PIBF1: variants seen among roughly 807,000 people sequenced by gnomAD.
The protein encoded by PIBF1 is progesterone-induced-blocking factor 1.
In PIBF1, 90 loss-of-function variants were observed where a neutral mutation model predicts 112.5. That is an observed-to-expected ratio of 0.80 (90% confidence interval 0.67 to 0.95). The LOEUF (loss-of-function observed/expected upper bound fraction) is 0.95, where lower values mean the gene tolerates loss of function less well. Among genes scored for constraint, PIBF1 ranks in the 40% least tolerant of loss-of-function variants. The pLI is 0.00. For synonymous variants in PIBF1, 301 were observed against 288.6 expected (o/e 1.04, Z -0.44); for missense variants, 915 against 852.3 (o/e 1.07, Z -0.92).
intron 10 of PIBF1, chr13:72,881,109 T>G (rs929094817): frequency 7.0e-5 from 9 of 128,276 alleles, no homozygotes; most frequent in Admixed American, 6.5e-4. Context: ...TTTTTTTTTT[T>G]GAAAACAAAA....
At chr13:72,838,734 GC>G (rs2037467342) in intron 9 of PIBF1, among the ~76,000 whole-genome samples, 1 of 152,142 alleles carries the variant, frequency 6.6e-6, no homozygotes, top group Admixed American at 6.5e-5. Context: ...TATCTTGTCT[GC>G]CTATTAAGTT....
chr13:72,827,440 G>C (rs927753675), intron 7 of PIBF1, among the ~76,000 whole-genome samples: 1 of 151,614 alleles, frequency 6.6e-6, no homozygotes, highest in Non-Finnish European at 1.5e-5. Context: ...GTAGAAACAG[G>C]GTTTCACCAT....
chr13:72,991,930 G>A (rs1323655644), intron 16 of PIBF1, among the ~76,000 whole-genome samples: 1 of 152,108 alleles, frequency 6.6e-6, no homozygotes, highest in Non-Finnish European at 1.5e-5. Flanking sequence ...ATGTTAGCCA[G>A]GATGGTCTTG....
rs1161228077 is a variant in PIBF1, at chr13:73,002,983, C to CAAAAAAA, written c.2223+4006_2223+4012dup. On this transcript the variant is annotated intron_variant, in intron 17 of 17. Transcript: ENST00000326291. ...GGACGACACAGCAAGACTCTGGTCTCAAAAAAAAAAAAAAAAAAAAAAAAG... is the reference window on the plus strand; with the variant it reads ...GGACGACACAGCAAGACTCTGGTCTCAAAAAAAAAAAAAAAAAAAAAAAAAAAAAAAG... 5.3e-3 allele frequency among the ~76,000 whole-genome samples: 306 copies of CAAAAAAA among 57,488 alleles called. 44 individuals are homozygous for CAAAAAAA. Among genetic ancestry groups the CAAAAAAA allele is most frequent in the Non-Finnish European group, 7.1e-3 (249 of 34,980 alleles). The allele number at this position is 57,488 out of a possible 152,430, so 37.7% of individuals were successfully genotyped here. A position where few individuals can be genotyped will look rare whatever the true frequency, so the allele number is the denominator to read the frequency against.
intron 14 of PIBF1, among the ~76,000 whole-genome samples, chr13:72,959,288 G>T (rs1479955810): frequency 6.6e-6 from 1 of 152,092 alleles, no homozygotes; most frequent in African/African-American, 2.4e-5. Flanking sequence ...GAGCCACCAC[G>T]CCCAGCCAGA....
intron 10 of PIBF1, among the ~76,000 whole-genome samples, chr13:72,875,976 G>A (rs1352467691): frequency 1.3e-5 from 2 of 151,780 alleles, no homozygotes; most frequent in African/African-American, 4.8e-5. Flanking sequence ...CATGGATTAT[G>A]TGTTTGTTGT....
intron 16 of PIBF1, among the ~76,000 whole-genome samples, chr13:72,995,423 C>T (rs778931182): frequency 2.0e-5 from 3 of 151,888 alleles, no homozygotes; most frequent in East Asian, 1.9e-4. Context: ...TAAAACAGTG[C>T]GACATGGGTG....
chr13:72,845,103 T>C (rs2037809152), intron 9 of PIBF1, among the ~76,000 whole-genome samples: 1 of 152,060 alleles, frequency 6.6e-6, no homozygotes, highest in Non-Finnish European at 1.5e-5. Flanking sequence ...AAGCCCCACA[T>C]GCATTAGCTG....
At chr13:72,987,181 A>G (rs1376487511) in intron 16 of PIBF1, among the ~76,000 whole-genome samples, 9 of 152,218 alleles carry the variant, frequency 5.9e-5, no homozygotes, top group Non-Finnish European at 1.3e-4. Flanking sequence ...GACTTAGTGA[A>G]AGATAAGAAA....
intron 1 of PIBF1, among the ~76,000 whole-genome samples, chr13:72,783,084 G>A (rs2034381766): frequency 6.6e-6 from 1 of 152,144 alleles, no homozygotes; most frequent in South Asian, 2.1e-4. Context: ...GACCAACTCA[G>A]ACGTGATTTC....
chr13:72,863,903 C>T (rs1212186317), intron 10 of PIBF1, among the ~76,000 whole-genome samples: 1 of 152,166 alleles, frequency 6.6e-6, no homozygotes, highest in African/African-American at 2.4e-5. Flanking sequence ...GCCTAGGCAG[C>T]TCAACTGTTG....
intron 10 of PIBF1, among the ~76,000 whole-genome samples, chr13:72,869,798 C>A (rs2039086099): frequency 6.6e-6 from 1 of 151,422 alleles, no homozygotes; most frequent in Admixed American, 6.6e-5. Context: ...GCTACTTAAC[C>A]CCCCACCTCC....
At chr13:72,824,162 C>T (rs549026325) in intron 6 of PIBF1, among the ~76,000 whole-genome samples, 19 of 148,960 alleles carry the variant, frequency 1.3e-4, no homozygotes, top group South Asian at 4.3e-4. Context: ...TACAGGTGTG[C>T]GCCACCATGC....
chr13:72,877,196 A>C (rs536156788), intron 10 of PIBF1, among the ~76,000 whole-genome samples: 2 of 152,222 alleles, frequency 1.3e-5, no homozygotes, highest in African/African-American at 4.8e-5. Context: ...TTGATTTTCA[A>C]ATTTTGAACC....
chr13:72,973,131 G>A (rs1379750389), intron 15 of PIBF1, among the ~76,000 whole-genome samples: 2 of 152,118 alleles, frequency 1.3e-5, no homozygotes, highest in Admixed American at 6.6e-5. Context: ...GAAAAGCTGG[G>A]TGCAGTGATG....
intron 14 of PIBF1, among the ~76,000 whole-genome samples, chr13:72,950,405 ATG>A (rs1213862629): frequency 6.6e-6 from 1 of 152,148 alleles, no homozygotes; most frequent in Non-Finnish European, 1.5e-5. Context: ...CCTCCTATTT[ATG>A]TGTTAACATT....
chr13:72,862,890 C>G (rs997417552), intron 10 of PIBF1, among the ~76,000 whole-genome samples: 2 of 152,008 alleles, frequency 1.3e-5, no homozygotes, highest in African/African-American at 4.8e-5. Context: ...TCTTAATGAC[C>G]TTTGTCATTT....
intron 9 of PIBF1, among the ~76,000 whole-genome samples, chr13:72,848,615 G>A (rs944321503): frequency 6.6e-6 from 1 of 152,154 alleles, no homozygotes; most frequent in South Asian, 2.1e-4. Flanking sequence ...GGAGGCCGAG[G>A]CGGGCGGATC....
chr13:73,012,512 G>A (rs1000185696), intron 17 of PIBF1, among the ~76,000 whole-genome samples: 1 of 151,644 alleles, frequency 6.6e-6, no homozygotes, highest in African/African-American at 2.4e-5. Flanking sequence ...CTTGAACCCA[G>A]GAGTTCGAGT....
Sources: gnomAD v4.1 joint callset for allele counts (sites outside exome capture counted in the v4.1 genomes callset) on GRCh38, gnomAD v4.1.1 for gene constraint, MANE v1.5 for transcripts, NCBI Gene and HGNC (gene_info 2026-07-23, HGNC 2026-07-21) for gene names.